Variants in TTC39B observed in about 807,000 individuals in gnomAD.
TTC39B encodes tetratricopeptide repeat protein 39B.
TTC39B carries 92 observed loss-of-function variants against 96.6 expected under a neutral mutation model. The ratio of observed to expected loss-of-function variants is 0.95; its 90% confidence interval spans 0.80 to 1.13. The LOEUF is 1.13. TTC39B is among the 50% of genes most tolerant of loss of function. TTC39B has a pLI of 0.00. For missense variants in TTC39B, 955 were observed against 809.3 expected (o/e 1.18, Z -2.18); for synonymous variants, 367 against 299.4 (o/e 1.23, Z -2.33).
intron 6 of TTC39B, among the ~76,000 whole-genome samples, chr9:15,209,412 A>C (rs918315181): frequency 6.6e-6 from 1 of 152,212 alleles, no homozygotes. Flanking sequence ...ATACTGTGAA[A>C]CATTATCATT....
At chr9:15,287,949 A>T (rs1207378872) in intron 1 of TTC39B, among the ~76,000 whole-genome samples, 2 of 142,224 alleles carry the variant, frequency 1.4e-5, no homozygotes, top group African/African-American at 5.5e-5. Context: ...CCATCTCAAA[A>T]AAAAAAAAAA....
Position 15,211,316 on chromosome 9 carries a change from G to A in TTC39B, c.564C>T (p.Asp188=), listed in dbSNP as rs61757648. ...TCATGGCAGAAATGCCGTTCTGGAT[G>A]TCCTGTTGCTCGAAGGTCAGGACAG... Residue 188 remains aspartate (D), a synonymous_variant, in exon 5 of 20, where the codon GAC becomes GAT. Coordinates refer to ENST00000512701, the Ensembl canonical transcript of TTC39B. The A allele has an allele frequency of 1.1e-4, 181 of 1,593,312 alleles. 2 individuals are homozygous for A. In the East Asian group the frequency reaches 4.0e-3, roughly 36 times the overall value.
chr9:15,183,653 A>T (rs958967921), intron 16 of TTC39B, among the ~76,000 whole-genome samples: 5 of 152,120 alleles, frequency 3.3e-5, no homozygotes, highest in African/African-American at 1.2e-4. Context: ...AGTCTAGAAA[A>T]TTTTCTGTAG....
intron 2 of TTC39B, among the ~76,000 whole-genome samples, chr9:15,258,353 C>T (rs138768355): frequency 6.6e-6 from 1 of 152,222 alleles, no homozygotes; most frequent in East Asian, 1.9e-4. Flanking sequence ...CTGACTTGAA[C>T]AAATGGGTGG....
At position 15,264,729 on chromosome 9, in the gene TTC39B, C is replaced by CTATATATA. The variant is rs138797791; in HGVS notation, c.275+3177_275+3184dup. Reference sequence around the variant, plus strand: ...TTTGTTCTTCTATATAACAATTTTACTATATATATATATATATATCTTATA... The same window carrying CTATATATA: ...TTTGTTCTTCTATATAACAATTTTACTATATATATATATATATATATATATATCTTATA... On this transcript the variant is annotated intron_variant, in intron 2 of 19. Transcript: ENST00000512701. Among the ~76,000 whole-genome samples the CTATATATA allele has an allele frequency of 5.4e-3, 771 of 141,908 alleles. 3 individuals are homozygous for CTATATATA. Among genetic ancestry groups the CTATATATA allele is most frequent in the African/African-American group, 0.019 (739 of 38,706 alleles). 93.1% of individuals were successfully genotyped at this position (141,908 alleles called of 152,430 possible).
At chr9:15,234,525 G>A (rs1225477599) in intron 2 of TTC39B, among the ~76,000 whole-genome samples, 2 of 152,010 alleles carry the variant, frequency 1.3e-5, no homozygotes, top group Non-Finnish European at 2.9e-5. Flanking sequence ...CCGTCTGGGA[G>A]GTGTACCCAA....
At position 15,186,932 on chromosome 9, in the gene TTC39B, T is replaced by A. The variant is rs1258041763; in HGVS notation, c.1487+12A>T. ...CTCAGAGCCTTTGTTATAGGAATAG[T>A]GTCTCACATACCTGAATAAAGTTAC... On this transcript the variant is annotated intron_variant, in intron 15 of 19. Coordinates refer to ENST00000512701, the Ensembl canonical transcript of TTC39B. The A allele has an allele frequency of 6.2e-7, 1 of 1,610,424 alleles. No individual in the cohort carries two copies. Among genetic ancestry groups the A allele is most frequent in the Non-Finnish European group, 8.5e-7 (1 of 1,176,756 alleles).
At chr9:15,305,628 A>C (rs943738887) in intron 1 of TTC39B, among the ~76,000 whole-genome samples, 4 of 151,376 alleles carry the variant, frequency 2.6e-5, no homozygotes, top group Non-Finnish European at 5.9e-5. Flanking sequence ...TGCTACTCTG[A>C]AACCTAACTT....
chr9:15,305,567 T>C (rs945823285), intron 1 of TTC39B, among the ~76,000 whole-genome samples: 2 of 152,018 alleles, frequency 1.3e-5, no homozygotes, highest in African/African-American at 2.4e-5. Context: ...CTGCAGTCTT[T>C]CATTCATTCA....
rs1818479597 is a variant in TTC39B at position 15,185,578 on chromosome 9, CAA to C, written c.1488-174_1488-173del. 26 of 954,594 alleles carry C rather than the reference CAA, an allele frequency of 2.7e-5. No individual in the cohort carries two copies. In the South Asian group the frequency reaches 3.4e-4, roughly 12 times the overall value. The allele number at this position is 954,594 out of a possible 1,614,324, so 59.1% of individuals were successfully genotyped here. ...CCCTACTCTAGACCTACTGAATCAGCAACTCCAGGGCCGGGGCCGAGCAATCT... is the reference window on the plus strand; with the variant it reads ...CCCTACTCTAGACCTACTGAATCAGCCTCCAGGGCCGGGGCCGAGCAATCT... On this transcript the variant is annotated intron_variant, in intron 15 of 19. Transcript: ENST00000512701.
At chr9:15,297,328 G>C (rs1328817703) in intron 1 of TTC39B, among the ~76,000 whole-genome samples, 1 of 152,214 alleles carries the variant, frequency 6.6e-6, no homozygotes, top group East Asian at 1.9e-4. Flanking sequence ...CAGATCATCA[G>C]TTTCAACTCC....
At chr9:15,255,307 CA>C (rs1563767153) in intron 2 of TTC39B, among the ~76,000 whole-genome samples, 1 of 151,828 alleles carries the variant, frequency 6.6e-6, no homozygotes, top group African/African-American at 2.4e-5. Context: ...ATACACTATT[CA>C]AAAATGTACC....
exon 20 of TTC39B, chr9:15,170,043 T>C (rs1362119563): frequency 6.6e-6 from 1 of 152,168 alleles, no homozygotes; most frequent in Admixed American, 6.5e-5. Flanking sequence ...AAAAGCTTTT[T>C]TTGGAAAACT....
chr9:15,190,744 TA>T (rs1818812071), intron 10 of TTC39B, 82 bp from the exon 11 acceptor site: 6 of 1,110,448 alleles, frequency 5.4e-6, no homozygotes, highest in Middle Eastern at 2.0e-4. Flanking sequence ...TTTTATATAT[TA>T]GGGGGGTTAC....
At chr9:15,212,160 T>C (rs1371342923) in intron 4 of TTC39B, among the ~76,000 whole-genome samples, 1 of 152,226 alleles carries the variant, frequency 6.6e-6, no homozygotes, top group Non-Finnish European at 1.5e-5. Context: ...AATTTAAATA[T>C]TAATGCATAA....
intron 2 of TTC39B, among the ~76,000 whole-genome samples, chr9:15,261,841 A>AC (rs1326114971): frequency 6.6e-6 from 1 of 152,172 alleles, no homozygotes; most frequent in East Asian, 1.9e-4. Flanking sequence ...TATTATACCC[A>AC]CCACTACATT....
chr9:15,170,250 A>G (rs147124698), exon 20 of TTC39B: 1 of 38,912 alleles, frequency 2.6e-5, no homozygotes, highest in Non-Finnish European at 4.9e-5. Flanking sequence ...CTTGAAGAAA[A>G]CAAGCCACAC....
chr9:15,293,992 C>T (rs923370923), intron 1 of TTC39B, among the ~76,000 whole-genome samples: 3 of 152,204 alleles, frequency 2.0e-5, no homozygotes, highest in African/African-American at 7.2e-5. Flanking sequence ...CTGCAGTCTC[C>T]GAGCCTGCTC....
chr9:15,207,887 G>A (rs975643054), intron 6 of TTC39B, among the ~76,000 whole-genome samples: 1 of 149,970 alleles, frequency 6.7e-6, no homozygotes, highest in Admixed American at 6.6e-5. Flanking sequence ...GGGAGGCTGA[G>A]GCAGAAGAAT....
Sources: gnomAD v4.1 joint callset for allele counts (sites outside exome capture counted in the v4.1 genomes callset) on GRCh38, gnomAD v4.1.1 for gene constraint, MANE v1.5 for transcripts, NCBI Gene and HGNC (gene_info 2026-07-23, HGNC 2026-07-21) for gene names.